IVD: variants seen among roughly 807,000 people sequenced by gnomAD.
The protein encoded by IVD is isovaleryl-CoA dehydrogenase, mitochondrial.
In IVD, 31 loss-of-function variants were observed where a neutral mutation model predicts 51.3. That is an observed-to-expected ratio of 0.60 (90% confidence interval 0.45 to 0.81). The LOEUF is 0.81. Among genes scored for constraint, IVD ranks in the 40% least tolerant of loss-of-function variants. IVD has a pLI of 0.00. For synonymous variants in IVD, 205 were observed against 219.4 expected, an observed-to-expected ratio of 0.93 and a Z score of 0.58; for missense variants, 475 against 552.0, an observed-to-expected ratio of 0.86 and a Z score of 1.40.
chr15:40,417,206 G>GAAA (rs748314280), intron 11 of IVD, among the ~76,000 whole-genome samples: 2 of 95,196 alleles, frequency 2.1e-5, no homozygotes, highest in Non-Finnish European at 2.1e-5. Context: ...CTCCGTCTCG[G>GAAA]AAAAAAAAAA....
intron 2 of IVD, 104 bp downstream of exon 2, chr15:40,407,829 T>C: frequency 1.4e-6 from 2 of 1,448,362 alleles, no homozygotes; most frequent in African/African-American, 2.8e-5. Context: ...GAAGCCTCTC[T>C]AAGAATGCAG....
chr15:40,415,420 G>T lies in IVD; in HGVS notation c.898G>T (p.Asp300Tyr). ...TGACAGGCTCATGCAAGCGGTCCTG[G>T]ACCACACCATTCCCTACCTGCACGT... is the stretch of plus-strand genomic sequence containing the variant. ...GPLGLMQAVL[D>Y]HTIPYLHVRE... is the part of the protein sequence containing the mutation. Residue 300 changes from aspartate (D) to tyrosine (Y), a missense_variant, in exon 9 of 12, where the codon GAC becomes TAC. Transcript: ENST00000487418. 1 of 1,614,112 alleles carries T rather than the reference G, an allele frequency of 6.2e-7. No individual in the cohort carries two copies. Among genetic ancestry groups the T allele is most frequent in the Non-Finnish European group, 8.5e-7 (1 of 1,180,030 alleles).
chr15:40,410,757 G>T lies in IVD; in HGVS notation c.416G>T (p.Arg139Leu), dbSNP rs141071545. 1.2e-6 allele frequency: 2 copies of T among 1,614,066 alleles called. No individual in the cohort carries two copies. The highest frequency in any genetic ancestry group is 1.7e-6 in the Non-Finnish European group (2 of 1,180,058). The change falls in exon 4 of 12, where the codon CGC becomes CTC. Residue 139 changes from arginine to leucine, a missense_variant. Physicochemically the swap from Arg to Leu is moderately radical, Grantham distance 102. Transcript: ENST00000487418. ...HSNLCINQLV[R>L]NGNEAQKEKY... Reference sequence around the variant, plus strand: ...AACCTCTGCATCAACCAGCTTGTACGCAATGGGAATGAGGCCCAGAAAGAG... The same window carrying T: ...AACCTCTGCATCAACCAGCTTGTACTCAATGGGAATGAGGCCCAGAAAGAG...
intron 8 of IVD, among the ~76,000 whole-genome samples, chr15:40,434,294 G>A (rs1478783818): frequency 2.6e-5 from 4 of 152,046 alleles, no homozygotes; most frequent in African/African-American, 9.7e-5. Flanking sequence ...AATCTTTTTT[G>A]AAAGCCCCAT....
Position 40,419,019 on chromosome 15 carries a change from C to T in IVD, c.*756C>T. ...GCATGGTGGTGGGCACCTGTAATCC[C>T]AGCTACTTCAGGAGGCTGAGGCAGG... On this transcript the variant is annotated 3_prime_UTR_variant, in exon 12 of 12. Transcript: ENST00000487418. 2 of 613,388 alleles carry T rather than the reference C, an allele frequency of 3.3e-6. No individual in the cohort carries two copies. The highest frequency in any genetic ancestry group is 1.7e-5 in the South Asian group (1 of 57,646). 38.0% of individuals were successfully genotyped at this position (613,388 alleles called of 1,614,324 possible). A position where few individuals can be genotyped will look rare whatever the true frequency, so the allele number is the denominator to read the frequency against.
chr15:40,412,167 G>A (rs889981205), intron 6 of IVD, among the ~76,000 whole-genome samples: 8 of 151,398 alleles, frequency 5.3e-5, no homozygotes, highest in Non-Finnish European at 1.2e-4. Flanking sequence ...TGGTCAGAAG[G>A]AAAAAAAAGG....
intron 1 of IVD, among the ~76,000 whole-genome samples, chr15:40,406,933 C>T (rs868671067): frequency 4.6e-5 from 7 of 151,474 alleles, no homozygotes; most frequent in African/African-American, 1.5e-4. Flanking sequence ...GCGCGATCTC[C>T]GCTCACCACA....
downstream of IVD, chr15:40,435,680 C>A (rs72733450): frequency 0.12 from 124,752 of 1,029,386 alleles, 7,693 homozygotes; most frequent in Non-Finnish European, 0.13. Context: ...CTACCCACTT[C>A]TCCAGCCTCA....
At chr15:40,411,216 T>G in intron 4 of IVD, 44 bp from the exon 5 acceptor site, 3 of 1,576,644 alleles carry the variant, frequency 1.9e-6, no homozygotes, top group Non-Finnish European at 2.6e-6. Context: ...TGCTCTAGGG[T>G]ACTCTGAGGT....
chr15:40,429,630 A>G (rs893969399), intron 7 of IVD, among the ~76,000 whole-genome samples: 2 of 152,218 alleles, frequency 1.3e-5, no homozygotes, highest in Non-Finnish European at 2.9e-5. Flanking sequence ...GGCAGGCTGC[A>G]GGGAGGATAA....
chr15:40,417,054 A>C (rs74520989), intron 11 of IVD, among the ~76,000 whole-genome samples: 1 of 150,520 alleles, frequency 6.6e-6, no homozygotes, highest in South Asian at 2.1e-4. Context: ...ACAAAAAAAA[A>C]TTAGCCAAGT....
intron 8 of IVD, 193 bp from the exon 9 acceptor site, chr15:40,415,208 T>C: frequency 1.4e-6 from 1 of 731,496 alleles, no homozygotes; most frequent in Non-Finnish European, 2.3e-6. Context: ...CAGGGTGGCT[T>C]ACTCGGCTGT....
Position 40,420,189 on chromosome 15 carries a change from T to C in IVD, c.*1926T>C, listed in dbSNP as rs1035878435. The C allele has an allele frequency of 2.0e-6, 2 of 985,812 alleles. No homozygotes were observed. Among genetic ancestry groups the C allele is most frequent in the African/African-American group, 3.5e-5 (2 of 57,274 alleles). The allele number at this position is 985,812 out of a possible 1,614,324, so 61.1% of individuals were successfully genotyped here. A position where few individuals can be genotyped will look rare whatever the true frequency, so the allele number is the denominator to read the frequency against. Reference sequence around the variant, plus strand: ...GAGGACAGCGTGCTTTTGTGTACTGTTGGAAGACTGGCTCCTCCTGTACAG... The same window carrying C: ...GAGGACAGCGTGCTTTTGTGTACTGCTGGAAGACTGGCTCCTCCTGTACAG... On this transcript the variant is annotated 3_prime_UTR_variant, in exon 12 of 12. Coordinates refer to ENST00000487418, the MANE Select transcript of IVD (RefSeq NM_002225.5).
chr15:40,417,725 T>C (rs534435120), intron 11 of IVD, among the ~76,000 whole-genome samples: 5 of 152,190 alleles, frequency 3.3e-5, no homozygotes, highest in Non-Finnish European at 7.3e-5. Flanking sequence ...GTGCCTGTGT[T>C]CAAGTAACTC....
chr15:40,420,166 G>A lies in IVD; in HGVS notation c.*1903G>A. 1.0e-6 allele frequency: 1 copy of A among 985,820 alleles called. No homozygotes were observed. The highest frequency in any genetic ancestry group is 1.7e-5 in the African/African-American group (1 of 57,394). 61.1% of individuals were successfully genotyped at this position (985,820 alleles called of 1,614,324 possible). A position where few individuals can be genotyped will look rare whatever the true frequency, so the allele number is the denominator to read the frequency against. ...GAGTCCGCAGGGGGGGCAGAGCAGA[G>A]GACAGCGTGCTTTTGTGTACTGTTG... On this transcript the variant is annotated 3_prime_UTR_variant, in exon 12 of 12. Coordinates refer to ENST00000487418, the MANE Select transcript of IVD (RefSeq NM_002225.5).
At chr15:40,430,719 A>G (rs1477781270) in intron 7 of IVD, among the ~76,000 whole-genome samples, 1 of 44,328 alleles carries the variant, frequency 2.3e-5, no homozygotes, top group East Asian at 0.042. Flanking sequence ...TGACTCTTAA[A>G]ACTGCCAGTG....
intron 9 of IVD, 43 bp downstream of exon 9, chr15:40,415,525 T>C: frequency 1.3e-6 from 2 of 1,547,326 alleles, no homozygotes; most frequent in Non-Finnish European, 1.8e-6. Context: ...TCAACTGGGC[T>C]AAAGTTTTCT....
Position 40,418,112 on chromosome 15 carries a change from C to T in IVD, c.1139-18C>T, listed in dbSNP as rs750856478. The T allele has an allele frequency of 2.0e-5, 32 of 1,613,696 alleles. No individual in the cohort carries two copies. The highest frequency in any genetic ancestry group is 3.3e-4 in the Middle Eastern group (2 of 6,084). On this transcript the variant is annotated intron_variant, in intron 11 of 11. Transcript: ENST00000487418. ...TGTCAATCACTTCCTTTCTTCTCTGCCCAAACCCTGGTTGCAGGTGGCAAT... is the reference window on the plus strand; with the variant it reads ...TGTCAATCACTTCCTTTCTTCTCTGTCCAAACCCTGGTTGCAGGTGGCAAT...
chr15:40,408,983 T>G, intron 3 of IVD, among the ~76,000 whole-genome samples: 1 of 152,054 alleles, frequency 6.6e-6, no homozygotes, highest in East Asian at 1.9e-4. Context: ...GGGCCTGTAT[T>G]CACTCTGGGC....
Sources: gnomAD v4.1 joint callset for allele counts (sites outside exome capture counted in the v4.1 genomes callset) on GRCh38, gnomAD v4.1.1 for gene constraint, MANE v1.5 for transcripts, NCBI Gene and HGNC (gene_info 2026-07-23, HGNC 2026-07-21) for gene names.